PALLD: variants seen among roughly 807,000 people sequenced by gnomAD.
PALLD encodes the protein palladin.
In PALLD, 61 loss-of-function variants were observed where a neutral mutation model predicts 123.5. The ratio of observed to expected loss-of-function variants is 0.49; its 90% confidence interval spans 0.40 to 0.61. The LOEUF (loss-of-function observed/expected upper bound fraction) is 0.61. PALLD is among the 20% of genes least tolerant of loss of function. The probability of loss-of-function intolerance (pLI) is 0.00; values close to 1 mark genes in which losing one functional copy is unlikely to be tolerated. For missense variants in PALLD, 1,273 were observed against 1,377.0 expected, an observed-to-expected ratio of 0.92 and a Z score of 1.20; for synonymous variants, 465 against 496.4, an observed-to-expected ratio of 0.94 and a Z score of 0.84.
At chr4:168,824,966 C>T (rs11937766) in intron 10 of PALLD, among the ~76,000 whole-genome samples, 10,019 of 151,894 alleles carry the variant, frequency 0.066, 1,094 homozygotes, top group African/African-American at 0.23. Flanking sequence ...GGACTACAGA[C>T]GCACACCACC....
At chr4:168,857,562 C>T (rs1748785282) in intron 10 of PALLD, among the ~76,000 whole-genome samples, 2 of 152,304 alleles carry the variant, frequency 1.3e-5, no homozygotes, top group South Asian at 4.2e-4. Context: ...TACGTGTACA[C>T]ATTAACTTCA....
chr4:168,914,388 C>T (rs1759679956), intron 16 of PALLD, among the ~76,000 whole-genome samples: 1 of 152,204 alleles, frequency 6.6e-6, no homozygotes, highest in Non-Finnish European at 1.5e-5. Flanking sequence ...TGAGTGGACG[C>T]ACACATTAAA....
intron 1 of PALLD, among the ~76,000 whole-genome samples, chr4:168,502,518 T>C (rs1233241469): frequency 1.3e-5 from 2 of 152,212 alleles, no homozygotes; most frequent in African/African-American, 4.8e-5. Context: ...CATTTAGCAC[T>C]GATTACTCTA....
At position 168,906,486 on chromosome 4, in the gene PALLD, CA is replaced by C. The variant is rs541885914; in HGVS notation, c.2622+2583del. On this transcript the variant is annotated intron_variant, in intron 15 of 21. Coordinates refer to ENST00000505667, the MANE Select transcript of PALLD (RefSeq NM_001166108.2). ...TCTCCAGTCATTTAAACTCTCTTGA[CA>C]AATTATTATGAAGTCACTAGATGAA... 3.4e-3 allele frequency among the ~76,000 whole-genome samples: 516 copies of C among 152,258 alleles called. 4 individuals carry two copies. The highest frequency in any genetic ancestry group is 0.012 in the African/African-American group (483 of 41,532).
chr4:168,713,668 C>T lies in PALLD; in HGVS notation c.1964+1745C>T, dbSNP rs116628010. Among the ~76,000 whole-genome samples the T allele has an allele frequency of 8.3e-3, 1,263 of 152,004 alleles. 16 individuals carry two copies. Among genetic ancestry groups the T allele is most frequent in the African/African-American group, 0.029 (1,202 of 41,438 alleles). On this transcript the variant is annotated intron_variant, in intron 10 of 21. Transcript: ENST00000505667. ...CTACAGAATGTAGACAAAACAACTT[C>T]GCGTTCATTAAGAGGATGACAGCTT... is the stretch of plus-strand genomic sequence containing the variant.
chr4:168,788,532 G>C (rs1408170963), intron 10 of PALLD, among the ~76,000 whole-genome samples: 1 of 152,130 alleles, frequency 6.6e-6, no homozygotes, highest in Non-Finnish European at 1.5e-5. Context: ...GTTCTGTGTG[G>C]TACTGTGATG....
intron 1 of PALLD, among the ~76,000 whole-genome samples, chr4:168,505,186 A>G (rs1761884583): frequency 6.6e-6 from 1 of 152,178 alleles, no homozygotes; most frequent in Non-Finnish European, 1.5e-5. Flanking sequence ...CGCGGCAATA[A>G]CTGGCTTGCA....
intron 10 of PALLD, among the ~76,000 whole-genome samples, chr4:168,884,658 A>G (rs1379140774): frequency 6.6e-6 from 1 of 152,216 alleles, no homozygotes; most frequent in Non-Finnish European, 1.5e-5. Flanking sequence ...CTAGTTCAAC[A>G]TTGTATTTCT....
chr4:168,782,088 T>G (rs149552819), intron 10 of PALLD, among the ~76,000 whole-genome samples: 267 of 152,318 alleles, frequency 1.8e-3, no homozygotes, highest in South Asian at 3.1e-3. Flanking sequence ...ATGGAAAATC[T>G]GGGTAACCAC....
intron 10 of PALLD, among the ~76,000 whole-genome samples, chr4:168,801,148 G>A (rs1322685661): frequency 6.6e-6 from 1 of 152,218 alleles, no homozygotes; most frequent in Non-Finnish European, 1.5e-5. Context: ...CAGGATTGCG[G>A]TTACCCTGGG....
At chr4:168,652,983 A>C (rs541272315) in intron 2 of PALLD, among the ~76,000 whole-genome samples, 1 of 152,316 alleles carries the variant, frequency 6.6e-6, no homozygotes, top group East Asian at 1.9e-4. Flanking sequence ...GTCAGTTGTC[A>C]TGCTTGCTAA....
Position 168,715,651 on chromosome 4 carries a change from C to CA in PALLD, c.1964+3735dup, listed in dbSNP as rs889779091. Reference sequence around the variant, plus strand: ...AATCTCTGCTTCTCTTTATTCCTACCAAAAAAACGGTCCTTCAGCCAGGGC... The same window carrying CA: ...AATCTCTGCTTCTCTTTATTCCTACCAAAAAAAACGGTCCTTCAGCCAGGGC... On this transcript the variant is annotated intron_variant, in intron 10 of 21. Transcript: ENST00000505667. Among the ~76,000 whole-genome samples, 6 of 152,016 alleles carry CA rather than the reference C, an allele frequency of 3.9e-5. No homozygotes were observed. In the East Asian group the frequency reaches 7.7e-4, roughly 20 times the overall value.
intron 10 of PALLD, among the ~76,000 whole-genome samples, chr4:168,727,166 G>A (rs1192759152): frequency 6.6e-6 from 1 of 152,260 alleles, no homozygotes; most frequent in South Asian, 2.1e-4. Flanking sequence ...TTGCTACTAT[G>A]AATAGTGCTA....
At chr4:168,641,207 CAA>C (rs567163235) in intron 2 of PALLD, among the ~76,000 whole-genome samples, 21 of 114,480 alleles carry the variant, frequency 1.8e-4, no homozygotes, top group Admixed American at 2.8e-4. Flanking sequence ...GACTCCATCT[CAA>C]AAAAAAAAAA....
chr4:168,753,701 A>G (rs972121603), intron 10 of PALLD, among the ~76,000 whole-genome samples: 1 of 152,110 alleles, frequency 6.6e-6, no homozygotes, highest in Non-Finnish European at 1.5e-5. Flanking sequence ...GTAGAGGCCC[A>G]TGCAGATAGG....
chr4:168,756,129 G>A, intron 10 of PALLD: 1 of 175,830 alleles, frequency 5.7e-6, no homozygotes, highest in Non-Finnish European at 1.2e-5. Flanking sequence ...TTATGCAGGA[G>A]AATAGCTCTA....
intron 10 of PALLD, among the ~76,000 whole-genome samples, chr4:168,775,251 T>C (rs2150521576): frequency 6.6e-6 from 1 of 152,352 alleles, no homozygotes; most frequent in Admixed American, 6.5e-5. Flanking sequence ...AGGTGTGTAG[T>C]AGAATTTCAT....
At chr4:168,842,521 C>G (rs1277565902) in intron 10 of PALLD, among the ~76,000 whole-genome samples, 5 of 152,206 alleles carry the variant, frequency 3.3e-5, no homozygotes, top group Non-Finnish European at 7.3e-5. Context: ...CTTTTATTTT[C>G]TTAACTGGCT....
intron 10 of PALLD, among the ~76,000 whole-genome samples, chr4:168,719,256 T>C (rs1256316235): frequency 7.4e-6 from 1 of 134,532 alleles, no homozygotes; most frequent in East Asian, 4.3e-4. Flanking sequence ...AATCTTCTTT[T>C]TTTTTTTTTT....
Sources: gnomAD v4.1 joint callset for allele counts (sites outside exome capture counted in the v4.1 genomes callset) on GRCh38, gnomAD v4.1.1 for gene constraint, MANE v1.5 for transcripts, NCBI Gene and HGNC (gene_info 2026-07-23, HGNC 2026-07-21) for gene names.